Variants in TTC28 observed in about 807,000 individuals in gnomAD.
TTC28 encodes tetratricopeptide repeat domain 28, also known as tetratricopeptide repeat protein 28.
TTC28 carries 61 observed loss-of-function variants against 198.0 expected under a neutral mutation model. The observed-to-expected ratio is 0.31, with a 90% CI of 0.25 to 0.38. TTC28 has a LOEUF of 0.38. Among genes scored for constraint, TTC28 ranks in the 10% least tolerant of loss-of-function variants. TTC28 has a pLI of 1.00. For missense variants in TTC28, 2,678 were observed against 3,164.0 expected (o/e 0.85, Z 3.69); for synonymous variants, 1,171 against 1,297.8 (o/e 0.90, Z 2.10).
chr22:28,188,711 C>A lies in TTC28; in HGVS notation c.934-25112G>T, dbSNP rs538742781. 6.6e-5 allele frequency among the ~76,000 whole-genome samples: 10 copies of A among 152,240 alleles called. No homozygotes were observed. The East Asian group carries it at 1.7e-3, about 26-fold the overall frequency. On this transcript the variant is annotated intron_variant, in intron 5 of 22. Coordinates refer to ENST00000397906, the MANE Select transcript of TTC28 (RefSeq NM_001145418.2). ...CCAGTATCCTTCTCACATTACAAGCCCCTTTGTTCTGCTCAGTTTCCAGAA... is the reference window on the plus strand; with the variant it reads ...CCAGTATCCTTCTCACATTACAAGCACCTTTGTTCTGCTCAGTTTCCAGAA...
At chr22:28,553,416 T>C (rs2049727438) in intron 2 of TTC28, among the ~76,000 whole-genome samples, 1 of 142,124 alleles carries the variant, frequency 7.0e-6, no homozygotes, top group East Asian at 2.1e-4. Flanking sequence ...GTCTGAGATG[T>C]GGGGAGCGCC....
intron 2 of TTC28, among the ~76,000 whole-genome samples, chr22:28,340,922 A>G (rs1569270988): frequency 6.6e-6 from 1 of 152,214 alleles, no homozygotes; most frequent in African/African-American, 2.4e-5. Flanking sequence ...TATGCTCCAC[A>G]TTGGTTGTTG....
intron 5 of TTC28, among the ~76,000 whole-genome samples, chr22:28,283,724 C>G (rs2044627922): frequency 1.3e-5 from 2 of 152,084 alleles, no homozygotes; most frequent in East Asian, 3.9e-4. Flanking sequence ...TAAAAAGTAT[C>G]CTTTATTTTA....
intron 2 of TTC28, among the ~76,000 whole-genome samples, chr22:28,423,326 G>A (rs537655353): frequency 2.8e-4 from 43 of 152,220 alleles, no homozygotes; most frequent in South Asian, 2.1e-3. Context: ...GGAGGCAGAG[G>A]TTGCAGTGAG....
intron 6 of TTC28, among the ~76,000 whole-genome samples, chr22:28,155,787 C>T (rs1405905864): frequency 3.3e-5 from 5 of 152,144 alleles, no homozygotes; most frequent in African/African-American, 9.7e-5. Flanking sequence ...GTAATCACAA[C>T]AGCCTTCATT....
chr22:28,659,395 A>G (rs2051707928), intron 1 of TTC28, among the ~76,000 whole-genome samples: 1 of 151,982 alleles, frequency 6.6e-6, no homozygotes. Flanking sequence ...CTGCCTCCCA[A>G]GTAGCTGGGC....
chr22:28,586,404 G>C (rs1314634202), intron 2 of TTC28, among the ~76,000 whole-genome samples: 1 of 147,254 alleles, frequency 6.8e-6, no homozygotes, highest in Non-Finnish European at 1.5e-5. Context: ...TTTTTAAAAA[G>C]AATCTATAGA....
At chr22:28,333,009 A>G (rs145437700) in intron 2 of TTC28, among the ~76,000 whole-genome samples, 10 of 152,286 alleles carry the variant, frequency 6.6e-5, no homozygotes, top group East Asian at 3.9e-4. Flanking sequence ...AATGTAAAAA[A>G]CATGCATTTG....
At position 28,014,311 on chromosome 22, in the gene TTC28, CT is replaced by C; in HGVS notation, c.4154del (p.Gln1385ArgfsTer24). On this transcript the variant is annotated frameshift_variant, in exon 14 of 23. Coordinates refer to ENST00000397906, the MANE Select transcript of TTC28 (RefSeq NM_001145418.2). LOFTEE classifies it high-confidence loss of function. ...QDGTSSLPRR[Q>X]SSFAKPPLRA... ...GGAGCGGGGGCTTGGCAAACGAGCTCTGCCTCCTGGGAAGAGAGGAGGTCCC... is the reference window on the plus strand; with the variant it reads ...GGAGCGGGGGCTTGGCAAACGAGCTCGCCTCCTGGGAAGAGAGGAGGTCCC... The C allele has an allele frequency of 6.4e-7, 1 of 1,551,682 alleles. No individual in the cohort carries two copies.
At chr22:28,155,558 A>G (rs545089421) in intron 6 of TTC28, among the ~76,000 whole-genome samples, 6 of 152,248 alleles carry the variant, frequency 3.9e-5, no homozygotes, top group Admixed American at 6.5e-5. Flanking sequence ...TTACTAAGAG[A>G]GGCTTCAAGT....
At chr22:28,291,134 A>C (rs1238419879) in intron 5 of TTC28, among the ~76,000 whole-genome samples, 2 of 152,178 alleles carry the variant, frequency 1.3e-5, no homozygotes, top group South Asian at 2.1e-4. Flanking sequence ...ACCCCAATGA[A>C]TGATTCTCTA....
chr22:28,658,730 C>T (rs1209521198), intron 1 of TTC28, among the ~76,000 whole-genome samples: 1 of 152,204 alleles, frequency 6.6e-6, no homozygotes, highest in East Asian at 1.9e-4. Flanking sequence ...GGCGCAGTGG[C>T]TCATGCCTGT....
rs569806344 is a variant in TTC28, at chr22:28,048,042, T to C, written c.3933-17676A>G. Among the ~76,000 whole-genome samples the C allele has an allele frequency of 4.2e-3, 641 of 152,144 alleles. 8 individuals carry two copies. Among genetic ancestry groups the C allele is most frequent in the African/African-American group, 0.014 (601 of 41,518 alleles). ...CACTCAGAGCCACCATCCTGTGCAATAGGACTCTGGGGCACGTAGCCATTC... is the reference window on the plus strand; with the variant it reads ...CACTCAGAGCCACCATCCTGTGCAACAGGACTCTGGGGCACGTAGCCATTC... On this transcript the variant is annotated intron_variant, in intron 12 of 22. Coordinates refer to ENST00000397906, the MANE Select transcript of TTC28 (RefSeq NM_001145418.2).
intron 5 of TTC28, among the ~76,000 whole-genome samples, chr22:28,197,257 AC>A (rs1377839308): frequency 9.4e-6 from 1 of 106,738 alleles, no homozygotes; most frequent in Non-Finnish European, 1.8e-5. Context: ...AACATCACAC[AC>A]CGGGGACTGT....
chr22:27,985,819 T>G (rs73166773), intron 21 of TTC28: 5,886 of 157,696 alleles, frequency 0.037, 142 homozygotes, highest in Non-Finnish European at 0.054. Context: ...CCTTCATGCA[T>G]GTTCAGTGTC....
chr22:28,600,665 AC>A (rs2050625429), intron 2 of TTC28, among the ~76,000 whole-genome samples: 1 of 152,106 alleles, frequency 6.6e-6, no homozygotes, highest in Non-Finnish European at 1.5e-5. Flanking sequence ...ATAACAACCA[AC>A]CCATCAACCT....
chr22:28,323,670 AC>A (rs1171257905), intron 2 of TTC28, among the ~76,000 whole-genome samples: 1 of 152,180 alleles, frequency 6.6e-6, no homozygotes, highest in Non-Finnish European at 1.5e-5. Context: ...CTTAAAGAGG[AC>A]GTAGAGGGTG....
chr22:28,663,440 G>C (rs1468553604), intron 1 of TTC28, among the ~76,000 whole-genome samples: 6 of 145,518 alleles, frequency 4.1e-5, no homozygotes, highest in Non-Finnish European at 7.6e-5. Context: ...GTGTGTGTGC[G>C]CACCGTGCGC....
At chr22:28,594,421 G>A (rs2050499671) in intron 2 of TTC28, among the ~76,000 whole-genome samples, 1 of 151,856 alleles carries the variant, frequency 6.6e-6, no homozygotes, top group African/African-American at 2.4e-5. Context: ...AACCTTCTGA[G>A]GTCTGGGGAA....
Sources: allele counts gnomAD v4.1 joint callset (sites outside exome capture counted in the v4.1 genomes callset), GRCh38; gene constraint gnomAD v4.1.1; transcripts MANE v1.5; gene names NCBI Gene and HGNC (gene_info 2026-07-23, HGNC 2026-07-21).